The following CEP162 variants were observed in gnomAD, a reference collection of about 807,000 sequenced individuals.
CEP162 encodes centrosomal protein 162.
In CEP162, 141 loss-of-function variants were observed where a neutral mutation model predicts 169.2. The observed-to-expected ratio is 0.83, with a 90% CI of 0.73 to 0.96. The LOEUF is 0.96. Ranked by LOEUF, CEP162 falls within the 40% of genes least tolerant of loss-of-function variation. The pLI is 0.00. For missense variants in CEP162, 1,600 were observed against 1,587.2 expected, an observed-to-expected ratio of 1.01 and a Z score of -0.14; for synonymous variants, 540 against 526.4, an observed-to-expected ratio of 1.03 and a Z score of -0.35.
At chr6:84,152,251 A>G (rs1349404521) in intron 23 of CEP162, among the ~76,000 whole-genome samples, 2 of 152,180 alleles carry the variant, frequency 1.3e-5, no homozygotes, top group South Asian at 2.1e-4. Flanking sequence ...GAAGAGCCCA[A>G]AGAGTCAGCT....
At position 84,204,072 on chromosome 6, in the gene CEP162, T is replaced by A. The variant is rs754033214; in HGVS notation, c.596A>T (p.Asp199Val). ...AGTCAACGGTGCACCAACATACTCA[T>A]CTTCAAAATCATCACTGTAATTTTC... is the stretch of plus-strand genomic sequence containing the variant. ...LAENYSDDFE[D>V]EYVGAPLTTK... is the part of the protein sequence containing the mutation. The change falls in exon 7 of 27, where the codon GAT becomes GTT. Residue 199 changes from aspartate to valine, a missense_variant. Asp to Val is a radical substitution (Grantham distance 152). Transcript: ENST00000403245. 1.9e-6 allele frequency: 3 copies of A among 1,599,218 alleles called. No individual in the cohort carries two copies. Among genetic ancestry groups the A allele is most frequent in the East Asian group, 2.2e-5 (1 of 44,590 alleles).
intron 11 of CEP162, among the ~76,000 whole-genome samples, chr6:84,187,719 A>T (rs1169916036): frequency 6.6e-6 from 1 of 152,240 alleles, no homozygotes; most frequent in Non-Finnish European, 1.5e-5. Flanking sequence ...TATGTTTTAC[A>T]GTGGCAAAAC....
intron 10 of CEP162, 30 bp downstream of exon 10, chr6:84,194,854 T>C (rs746608847): frequency 6.9e-7 from 1 of 1,453,066 alleles, no homozygotes. Flanking sequence ...GGATATCAAA[T>C]AATTGAAAAA....
chr6:84,161,093 C>A lies in CEP162; in HGVS notation c.2677-177G>T, dbSNP rs9449814. 0.039 allele frequency among the ~76,000 whole-genome samples: 5,867 copies of A among 152,150 alleles called. 197 individuals carry two copies. The highest frequency in any genetic ancestry group is 0.095 in the African/African-American group (3,955 of 41,478). On this transcript the variant is annotated intron_variant, in intron 20 of 26. Coordinates refer to ENST00000403245, the MANE Select transcript of CEP162 (RefSeq NM_014895.4). Reference sequence around the variant, plus strand: ...AGTTCCAGGCACTTCCTAGATCTGGCAGGAGATATGGAGGGCAAACAAGAC... The same window carrying A: ...AGTTCCAGGCACTTCCTAGATCTGGAAGGAGATATGGAGGGCAAACAAGAC...
At chr6:84,226,508 G>A (rs575008388) in intron 1 of CEP162, 56 bp from the exon 2 acceptor site, 4 of 767,466 alleles carry the variant, frequency 5.2e-6, no homozygotes, top group Admixed American at 2.4e-5. Flanking sequence ...TCATGAACAC[G>A]ACCAGACTTA....
At chr6:84,164,247 G>C (rs777603578) in intron 18 of CEP162, among the ~76,000 whole-genome samples, 12 of 152,178 alleles carry the variant, frequency 7.9e-5, no homozygotes, top group Non-Finnish European at 1.5e-4. Context: ...TTACACTGTT[G>C]GTGGGAGCGT....
At chr6:84,151,761 G>A (rs1471310599) in intron 23 of CEP162, among the ~76,000 whole-genome samples, 1 of 152,024 alleles carries the variant, frequency 6.6e-6, no homozygotes, top group Non-Finnish European at 1.5e-5. Context: ...CCAAGCCACA[G>A]AGGTTAAGGG....
At chr6:84,170,373 C>CAAAAAAAAAAAAAAAAAAA (rs57988482) in intron 17 of CEP162, among the ~76,000 whole-genome samples, 1 of 28,332 alleles carries the variant, frequency 3.5e-5, no homozygotes, top group African/African-American at 6.0e-5. Context: ...GACTCCGTCT[C>CAAAAAAAAAAAAAAAAAAA]AAAAAAAAAA....
chr6:84,218,416 A>G (rs2127753302), intron 3 of CEP162, among the ~76,000 whole-genome samples: 1 of 152,366 alleles, frequency 6.6e-6, no homozygotes, highest in South Asian at 2.1e-4. Context: ...TTCCAAGAGC[A>G]CTAGAAAAAA....
chr6:84,164,232 T>C (rs901044080), intron 18 of CEP162, among the ~76,000 whole-genome samples: 1 of 152,170 alleles, frequency 6.6e-6, no homozygotes, highest in Non-Finnish European at 1.5e-5. Context: ...GAAACAGGAA[T>C]GCTTTTACAC....
At chr6:84,202,173 T>A (rs1272906627) in intron 7 of CEP162, among the ~76,000 whole-genome samples, 1 of 152,244 alleles carries the variant, frequency 6.6e-6, no homozygotes, top group Non-Finnish European at 1.5e-5. Flanking sequence ...TCAAAATTAA[T>A]GACTAAATCT....
chr6:84,172,037 T>A (rs908420309), intron 16 of CEP162, among the ~76,000 whole-genome samples: 6 of 152,032 alleles, frequency 3.9e-5, no homozygotes, highest in Admixed American at 3.3e-4. Flanking sequence ...AATCACCACA[T>A]CCTGACTGTG....
At chr6:84,139,998 G>A (rs2476900) in intron 25 of CEP162, among the ~76,000 whole-genome samples, 54,007 of 151,996 alleles carry the variant, frequency 0.36, 13,984 homozygotes, top group African/African-American at 0.74. Context: ...TGGGTCCCCA[G>A]TAAGAAAAAG....
chr6:84,204,119 G>A, intron 6 of CEP162, 23 bp from the exon 7 acceptor site: 5 of 1,407,628 alleles, frequency 3.6e-6, no homozygotes, highest in Non-Finnish European at 4.0e-6. Context: ...ATTTTTAAAA[G>A]TACAAAGACC....
At chr6:84,225,481 G>A (rs1199984781) in intron 2 of CEP162, among the ~76,000 whole-genome samples, 2 of 152,190 alleles carry the variant, frequency 1.3e-5, no homozygotes, top group African/African-American at 4.8e-5. Context: ...TGTTGTATAT[G>A]TGGTCTGTTG....
chr6:84,219,131 T>C, intron 3 of CEP162: 1 of 1,259,552 alleles, frequency 7.9e-7, no homozygotes, highest in Non-Finnish European at 1.1e-6. Context: ...TGCATTCCTC[T>C]TCTCAAGAGG....
At chr6:84,180,949 C>T (rs989398593) in intron 13 of CEP162, among the ~76,000 whole-genome samples, 1 of 152,118 alleles carries the variant, frequency 6.6e-6, no homozygotes, top group Non-Finnish European at 1.5e-5. Flanking sequence ...CAGTGCCATC[C>T]CCATCAAGCT....
At chr6:84,206,189 T>G (rs1419543988) in intron 6 of CEP162, among the ~76,000 whole-genome samples, 5 of 149,188 alleles carry the variant, frequency 3.4e-5, no homozygotes, top group Non-Finnish European at 7.3e-5. Context: ...AAGCTACCAA[T>G]GACTTTCTTC....
In CEP162 at chr6:84,161,843, T is replaced by C. The variant is rs1233459749; in HGVS notation, c.2579A>G (p.Lys860Arg). Reference sequence around the variant, plus strand: ...ATTTTCAGCATACCACTGTAATCTTTTTTGCAGACGACTGATTTCTTGTTT... The same window carrying C: ...ATTTTCAGCATACCACTGTAATCTTCTTTGCAGACGACTGATTTCTTGTTT... ...THKQEISRLQ[K>R]RLQWYAENQE... The change falls in exon 20 of 27, where the codon AAA becomes AGA. Residue 860 changes from lysine to arginine, a missense_variant. Lys to Arg is a conservative substitution (Grantham distance 26). Coordinates refer to ENST00000403245, the MANE Select transcript of CEP162 (RefSeq NM_014895.4). The C allele has an allele frequency of 6.3e-7, 1 of 1,591,758 alleles. No homozygotes were observed. The highest frequency in any genetic ancestry group is 1.1e-5 in the South Asian group (1 of 88,248).
Sources: gnomAD v4.1 joint callset for allele counts (sites outside exome capture counted in the v4.1 genomes callset) on GRCh38, gnomAD v4.1.1 for gene constraint, MANE v1.5 for transcripts, NCBI Gene and HGNC (gene_info 2026-07-23, HGNC 2026-07-21) for gene names.